The following CNTN5 variants were observed in gnomAD, a reference collection of about 807,000 sequenced individuals.
The protein encoded by CNTN5 is contactin 5.
Under a neutral mutation model 129.1 loss-of-function variants are expected in CNTN5, and 77 were observed. That is an observed-to-expected ratio of 0.60 (90% CI 0.50 to 0.72). The LOEUF is 0.72. CNTN5 is among the 30% of genes least tolerant of loss of function. The pLI is 0.00. For synonymous variants in CNTN5, 509 were observed against 465.6 expected (o/e 1.09, Z -1.20); for missense variants, 1,478 against 1,328.8 (o/e 1.11, Z -1.75).
At chr11:99,917,317 A>G (rs904283344) in intron 7 of CNTN5, among the ~76,000 whole-genome samples, 2 of 152,114 alleles carry the variant, frequency 1.3e-5, no homozygotes, top group Non-Finnish European at 2.9e-5. Context: ...TTTACATTAA[A>G]CATATCTATT....
intron 6 of CNTN5, among the ~76,000 whole-genome samples, chr11:99,891,007 G>A (rs558154660): frequency 2.0e-5 from 3 of 152,072 alleles, no homozygotes; most frequent in Non-Finnish European, 4.4e-5. Flanking sequence ...TAAAAGGGAA[G>A]TATGAGAAAC....
At chr11:99,148,964 TGA>T (rs1444587502) in intron 1 of CNTN5, among the ~76,000 whole-genome samples, 1 of 151,492 alleles carries the variant, frequency 6.6e-6, no homozygotes, top group African/African-American at 2.4e-5. Context: ...ATCATTTGTA[TGA>T]GAGAGTTTTA....
chr11:99,727,103 G>A (rs994905616), intron 3 of CNTN5, among the ~76,000 whole-genome samples: 2 of 149,416 alleles, frequency 1.3e-5, no homozygotes, highest in African/African-American at 2.5e-5. Context: ...TCAGGAGATC[G>A]AGACCATCCT....
intron 1 of CNTN5, among the ~76,000 whole-genome samples, chr11:99,094,306 G>A (rs1565312225): frequency 6.6e-6 from 1 of 151,854 alleles, no homozygotes; most frequent in Non-Finnish European, 1.5e-5. Flanking sequence ...AAATTAATGT[G>A]TGTCTAAAAC....
chr11:100,206,890 T>C (rs1318955862), intron 15 of CNTN5, among the ~76,000 whole-genome samples: 7 of 152,008 alleles, frequency 4.6e-5, no homozygotes, highest in Admixed American at 4.6e-4. Flanking sequence ...ATAAAATGTT[T>C]AATTATTATA....
intron 1 of CNTN5, among the ~76,000 whole-genome samples, chr11:99,204,503 C>A (rs1287797566): frequency 6.6e-6 from 1 of 152,160 alleles, no homozygotes; most frequent in Non-Finnish European, 1.5e-5. Context: ...ATTAAACTAG[C>A]TCTCAAAGGA....
At chr11:99,756,914 T>G (rs766740659) in intron 3 of CNTN5, among the ~76,000 whole-genome samples, 13 of 57,780 alleles carry the variant, frequency 2.2e-4, no homozygotes, top group South Asian at 2.6e-3. Context: ...CAATAGAGGG[T>G]TTTTTTTTTT....
intron 3 of CNTN5, among the ~76,000 whole-genome samples, chr11:99,782,407 GT>G (rs1945344707): frequency 6.7e-6 from 1 of 149,384 alleles, no homozygotes; most frequent in African/African-American, 2.5e-5. Context: ...ACTGCCCAAG[GT>G]AATTTACAGA....
chr11:99,759,810 CTT>C (rs1281153544), intron 3 of CNTN5, among the ~76,000 whole-genome samples: 1 of 151,848 alleles, frequency 6.6e-6, no homozygotes, highest in Non-Finnish European at 1.5e-5. Context: ...AGAAAGAAAA[CTT>C]AATGTAAAAA....
intron 2 of CNTN5, among the ~76,000 whole-genome samples, chr11:99,498,729 A>G (rs763680543): frequency 4.6e-5 from 7 of 152,328 alleles, no homozygotes; most frequent in Non-Finnish European, 8.8e-5. Context: ...CTATTAGGGA[A>G]AAATGATGCC....
Position 100,104,295 on chromosome 11 carries a change from G to T in CNTN5, c.1580+30001G>T, listed in dbSNP as rs561333758. ...TTTTTAGTAGAGACAGGGTTTTGCC[G>T]TGTTGGCCAGACTGGTCTCAAACTC... On this transcript the variant is annotated intron_variant, in intron 13 of 24. Transcript: ENST00000524871. Among the ~76,000 whole-genome samples, 121 of 151,904 alleles carry T rather than the reference G, an allele frequency of 8.0e-4. 1 individual carries two copies. The highest frequency in any genetic ancestry group is 2.8e-3 in the African/African-American group (115 of 41,448).
chr11:99,987,124 T>C (rs1938732856), intron 8 of CNTN5, among the ~76,000 whole-genome samples: 1 of 152,092 alleles, frequency 6.6e-6, no homozygotes, highest in South Asian at 2.1e-4. Context: ...AAATATTCCC[T>C]AGCTCCTATG....
intron 13 of CNTN5, among the ~76,000 whole-genome samples, chr11:100,118,497 G>T (rs1404593788): frequency 5.9e-5 from 9 of 151,876 alleles, no homozygotes; most frequent in Non-Finnish European, 1.2e-4. Context: ...ATAAATTACT[G>T]CTCACAAACT....
intron 6 of CNTN5, among the ~76,000 whole-genome samples, chr11:99,881,802 G>A (rs1043370140): frequency 2.0e-5 from 3 of 152,166 alleles, no homozygotes; most frequent in African/African-American, 4.8e-5. Flanking sequence ...GCCGTGTATC[G>A]CAGAGCTTGC....
chr11:99,164,259 G>A (rs574178567), intron 1 of CNTN5, among the ~76,000 whole-genome samples: 24 of 147,816 alleles, frequency 1.6e-4, no homozygotes, highest in African/African-American at 5.5e-4. Flanking sequence ...GGAGGCAGAG[G>A]TTGTAGTGAG....
At chr11:99,071,246 C>A (rs1199973436) in intron 1 of CNTN5, among the ~76,000 whole-genome samples, 1 of 152,020 alleles carries the variant, frequency 6.6e-6, no homozygotes, top group Non-Finnish European at 1.5e-5. Flanking sequence ...TGAATTTAGA[C>A]CTGTCTGGCT....
intron 1 of CNTN5, among the ~76,000 whole-genome samples, chr11:99,060,661 A>C (rs1332034929): frequency 6.6e-6 from 1 of 152,082 alleles, no homozygotes; most frequent in East Asian, 1.9e-4. Flanking sequence ...CCTATAGGGC[A>C]CAAAAAGAAA....
intron 1 of CNTN5, among the ~76,000 whole-genome samples, chr11:99,152,744 G>A (rs1860127466): frequency 6.6e-6 from 1 of 152,100 alleles, no homozygotes; most frequent in Admixed American, 6.6e-5. Flanking sequence ...TAATGTCAAT[G>A]GTCCATGTAC....
chr11:99,353,851 G>A (rs1288084871), intron 2 of CNTN5, among the ~76,000 whole-genome samples: 1 of 152,044 alleles, frequency 6.6e-6, no homozygotes, highest in Non-Finnish European at 1.5e-5. Context: ...ATATATTATT[G>A]ACATTTGTCC....
Sources: gnomAD v4.1 joint callset for allele counts (sites outside exome capture counted in the v4.1 genomes callset) on GRCh38, gnomAD v4.1.1 for gene constraint, MANE v1.5 for transcripts, NCBI Gene and HGNC (gene_info 2026-07-23, HGNC 2026-07-21) for gene names.